Variants in DNAJC18 observed in about 807,000 individuals in gnomAD.
The protein encoded by DNAJC18 is dnaJ homolog subfamily C member 18.
Under a neutral mutation model 48.6 loss-of-function variants are expected in DNAJC18, and 40 were observed. That is an observed-to-expected ratio of 0.82 (90% CI 0.64 to 1.07). The LOEUF is 1.07. DNAJC18 is among the 50% of genes least tolerant of loss of function. The pLI is 0.00. For missense variants in DNAJC18, 340 were observed against 427.7 expected (o/e 0.79, Z 1.81); for synonymous variants, 135 against 152.2 (o/e 0.89, Z 0.83).
intron 7 of DNAJC18, among the ~76,000 whole-genome samples, chr5:139,416,172 A>G (rs1759066600): frequency 6.6e-6 from 1 of 152,244 alleles, no homozygotes; most frequent in Non-Finnish European, 1.5e-5. Context: ...CAAAGGGTCA[A>G]CTTGAAGAAT....
At chr5:139,422,153 C>T (rs1042377225) in intron 6 of DNAJC18, among the ~76,000 whole-genome samples, 20 of 152,020 alleles carry the variant, frequency 1.3e-4, no homozygotes, top group African/African-American at 3.6e-4. Context: ...TTGATGCTGA[C>T]GATGGCTGGT....
At chr5:139,425,161 T>C in intron 4 of DNAJC18, 47 bp from the exon 5 acceptor site, 2 of 1,512,460 alleles carry the variant, frequency 1.3e-6, no homozygotes, top group South Asian at 2.4e-5. Flanking sequence ...ACTCCTTCCC[T>C]GCCTTTTTCT....
Position 139,426,289 on chromosome 5 carries a change from CA to C in DNAJC18, c.441del (p.Asp147GlufsTer4), listed in dbSNP as rs1192366842. 3.1e-6 allele frequency: 5 copies of C among 1,614,086 alleles called. No individual in the cohort carries two copies. On this transcript the variant is annotated frameshift_variant, in exon 4 of 8. Coordinates refer to ENST00000302060, the MANE Select transcript of DNAJC18 (RefSeq NM_152686.4). LOFTEE classifies it high-confidence loss of function. ...DKRLRYDEYGDEQVTFTAPRA... is the reference protein window; with the variant it reads ...DKRLRYDEYGXEQVTFTAPRA... The stretch of plus-strand genomic sequence containing the variant: ...CGAGGGGCAGTGAAAGTCACCTGTT[CA>C]TCTCCGTATTCATCATAGCGAAGTC...
At chr5:139,436,343 C>A (rs927136684) in intron 2 of DNAJC18, among the ~76,000 whole-genome samples, 2 of 150,006 alleles carry the variant, frequency 1.3e-5, no homozygotes, top group Non-Finnish European at 3.0e-5. Context: ...TGCCTCAGCA[C>A]CCCCAAAGCT....
intron 3 of DNAJC18, among the ~76,000 whole-genome samples, chr5:139,428,165 G>A (rs1759272702): frequency 2.0e-5 from 3 of 152,208 alleles, no homozygotes; most frequent in African/African-American, 7.2e-5. Context: ...GGAAGGCCTA[G>A]GCGGGCAGAT....
chr5:139,415,848 G>A (rs1435647875), intron 7 of DNAJC18, among the ~76,000 whole-genome samples: 1 of 152,142 alleles, frequency 6.6e-6, no homozygotes, highest in Non-Finnish European at 1.5e-5. Flanking sequence ...GATTTCCTCA[G>A]GTTTTCCATT....
intron 7 of DNAJC18, chr5:139,419,222 A>G (rs911908112): frequency 6.8e-6 from 3 of 438,704 alleles, no homozygotes; most frequent in Admixed American, 5.2e-5. Context: ...GTTTTAGAAG[A>G]CACAGTCACT....
intron 7 of DNAJC18, chr5:139,419,084 A>G (rs193216465): frequency 2.3e-6 from 1 of 437,416 alleles, no homozygotes; most frequent in Admixed American, 2.7e-5. Flanking sequence ...TCCATTAGGT[A>G]TTTAATGATA....
rs191073144 is a variant in DNAJC18 at position 139,431,346 on chromosome 5, C to T, written c.228-2663G>A. Among the ~76,000 whole-genome samples the T allele has an allele frequency of 7.2e-4, 109 of 152,308 alleles. 1 individual carries two copies. The highest frequency in any genetic ancestry group is 8.3e-4 in the South Asian group (4 of 4,830). On this transcript the variant is annotated intron_variant, in intron 2 of 7. Coordinates refer to ENST00000302060, the MANE Select transcript of DNAJC18 (RefSeq NM_152686.4). ...TATCACCCCAAAAAGAAACTCTATACTCCTTAGTAGTCACTCCCACTTCTC... is the reference window on the plus strand; with the variant it reads ...TATCACCCCAAAAAGAAACTCTATATTCCTTAGTAGTCACTCCCACTTCTC...
chr5:139,435,734 A>C (rs1427998778), intron 2 of DNAJC18, among the ~76,000 whole-genome samples: 1 of 6,454 alleles, frequency 1.5e-4, no homozygotes, highest in Non-Finnish European at 5.3e-4. Flanking sequence ...TTTTTTTTTC[A>C]GACAAGGTCT....
intron 3 of DNAJC18, among the ~76,000 whole-genome samples, chr5:139,428,321 C>T (rs777409654): frequency 1.1e-4 from 16 of 150,662 alleles, no homozygotes; most frequent in African/African-American, 1.7e-4. Flanking sequence ...CACTTGAGCC[C>T]GGGAGGTGGA....
intron 2 of DNAJC18, among the ~76,000 whole-genome samples, chr5:139,431,795 T>G (rs1759333459): frequency 6.6e-6 from 1 of 152,250 alleles, no homozygotes; most frequent in Non-Finnish European, 1.5e-5. Context: ...CCAAACTGGC[T>G]GCATTCCTAC....
intron 2 of DNAJC18, among the ~76,000 whole-genome samples, chr5:139,435,730 T>TTTTTTTTTTTTTTTTTTTTTTTTTTC (rs1438818286): frequency 7.6e-6 from 1 of 131,916 alleles, no homozygotes; most frequent in East Asian, 2.6e-4. Context: ...TTTTTTTTTT[T>TTTTTTTTTTTTTTTTTTTTTTTTTTC]TTCAGACAAG....
At chr5:139,417,200 A>G (rs1759082996) in intron 7 of DNAJC18, among the ~76,000 whole-genome samples, 1 of 152,174 alleles carries the variant, frequency 6.6e-6, no homozygotes, top group Non-Finnish European at 1.5e-5. Context: ...AAAAAAAAAA[A>G]AAAAAAATTT....
chr5:139,433,452 A>C (rs1759362929), intron 2 of DNAJC18, among the ~76,000 whole-genome samples: 1 of 152,144 alleles, frequency 6.6e-6, no homozygotes, highest in Non-Finnish European at 1.5e-5. Context: ...CTCAAAAAAA[A>C]AAAAAAACAA....
intron 2 of DNAJC18, among the ~76,000 whole-genome samples, chr5:139,431,673 GT>G (rs1417601489): frequency 6.6e-6 from 1 of 152,158 alleles, no homozygotes; most frequent in Non-Finnish European, 1.5e-5. Context: ...TCATGTACAA[GT>G]TTTTTTGTGG....
chr5:139,438,310 CG>C (rs1665588255), intron 1 of DNAJC18, among the ~76,000 whole-genome samples: 1 of 145,398 alleles, frequency 6.9e-6, no homozygotes, highest in African/African-American at 2.5e-5. Context: ...AGCGAGACTC[CG>C]TCTCAAAAAA....
At position 139,411,195 on chromosome 5, in the gene DNAJC18, A is replaced by C. The variant is rs955443944; in HGVS notation, c.*2953T>G. 1 of 152,270 alleles carries C rather than the reference A, an allele frequency of 6.6e-6. No homozygotes were observed. Among genetic ancestry groups the C allele is most frequent in the Non-Finnish European group, 1.5e-5 (1 of 68,054 alleles). The allele number at this position is 152,270 out of a possible 1,614,324, so 9.4% of individuals were successfully genotyped here. ...AGCTTACACATTTCCCGGCCTGAGC[A>C]GATGAACTCTAGGGTTGCTAATCTG... On this transcript the variant is annotated 3_prime_UTR_variant, in exon 8 of 8. Transcript: ENST00000302060.
chr5:139,422,275 T>C (rs1759166642), intron 6 of DNAJC18, among the ~76,000 whole-genome samples: 1 of 152,222 alleles, frequency 6.6e-6, no homozygotes, highest in Non-Finnish European at 1.5e-5. Context: ...AAGGAATTTC[T>C]CTATTTTCAA....
Sources: allele counts gnomAD v4.1 joint callset (sites outside exome capture counted in the v4.1 genomes callset), GRCh38; gene constraint gnomAD v4.1.1; transcripts MANE v1.5; gene names NCBI Gene and HGNC (gene_info 2026-07-23, HGNC 2026-07-21).